The following TBC1D8B variants were observed in gnomAD, a reference collection of about 807,000 sequenced individuals.
The protein encoded by TBC1D8B is TBC1 domain family member 8B.
In TBC1D8B, 75 loss-of-function variants were observed where a neutral mutation model predicts 82.9. The ratio of observed to expected loss-of-function variants is 0.90; its 90% CI spans 0.75 to 1.10. The LOEUF is 1.10. Among genes scored for constraint, TBC1D8B ranks in the 50% least tolerant of loss-of-function variants. TBC1D8B has a pLI of 0.00. For missense variants in TBC1D8B, 794 were observed against 796.9 expected (o/e 1.00, Z 0.04); for synonymous variants, 276 against 276.8 (o/e 1.00, Z 0.03).
intron 2 of TBC1D8B, among the ~76,000 whole-genome samples, chrX:106,819,261 G>T (rs760393830): frequency 9.0e-6 from 1 of 110,994 alleles, no homozygotes; most frequent in African/African-American, 3.3e-5. Context: ...CTTGAAATAT[G>T]AAGGAATGTC....
Position 106,826,068 on chromosome X carries a change from C to T in TBC1D8B, c.866C>T (p.Ala289Val), listed in dbSNP as rs1397996496. 8.3e-7 allele frequency: 1 copy of T among 1,210,518 alleles called. No individual in the cohort carries two copies. Among genetic ancestry groups the T allele is most frequent in the Non-Finnish European group, 1.1e-6 (1 of 894,903 alleles). The change falls in exon 6 of 21, where the codon GCC becomes GTC. Residue 289 changes from alanine (A) to valine (V), a missense_variant. Coordinates refer to ENST00000357242, the MANE Select transcript of TBC1D8B (RefSeq NM_017752.3). Reference protein sequence around the residue: ...ENRAHSEQFNAFFRLPKGESL... With the variant: ...ENRAHSEQFNVFFRLPKGESL... ...AGAGCCCACAGTGAGCAATTTAATG[C>T]CTTTTTTAGGCTGCCCAAAGGAGAG...
At chrX:106,859,148 C>G in intron 14 of TBC1D8B, among the ~76,000 whole-genome samples, 1 of 112,107 alleles carries the variant, frequency 8.9e-6, no homozygotes, top group Non-Finnish European at 1.9e-5. Flanking sequence ...CGTGATACCT[C>G]TAGCTTTGTT....
intron 7 of TBC1D8B, among the ~76,000 whole-genome samples, chrX:106,832,363 A>C (rs974023255): frequency 8.9e-5 from 10 of 111,862 alleles, no homozygotes; most frequent in African/African-American, 3.2e-4. Flanking sequence ...AAAGAGATTT[A>C]GTAAAATTCT....
At chrX:106,828,759 T>C (rs1364814233) in intron 7 of TBC1D8B, 1 of 109,690 alleles carries the variant, frequency 9.1e-6, no homozygotes, top group Non-Finnish European at 1.9e-5. Flanking sequence ...TGCTAAAAAC[T>C]CTCAATAAAT....
chrX:106,835,338 A>T (rs1932149882), intron 7 of TBC1D8B, among the ~76,000 whole-genome samples: 1 of 112,524 alleles, frequency 8.9e-6, no homozygotes, highest in Non-Finnish European at 1.9e-5. Context: ...GAGCTGAAGC[A>T]GCTGGGATGC....
rs370773947 is a variant in TBC1D8B at position 106,852,245 on chromosome X, C to T, written c.2124-1276C>T. ...GAAGTGTCTGTTCATGTCCTTCGCC[C>T]ACTTTTTGATGGGGTTGTTTGTTTT... is the stretch of plus-strand genomic sequence containing the variant. On this transcript the variant is annotated intron_variant, in intron 12 of 20. Coordinates refer to ENST00000357242, the MANE Select transcript of TBC1D8B (RefSeq NM_017752.3). 1.6e-3 allele frequency among the ~76,000 whole-genome samples: 162 copies of T among 101,306 alleles called. 2 individuals carry two copies. The East Asian group carries it at 0.042, about 26-fold the overall frequency. The allele number at this position is 101,306 out of a possible 115,157, so 88.0% of individuals were successfully genotyped here. A position where few individuals can be genotyped will look rare whatever the true frequency, so the allele number is the denominator to read the frequency against.
chrX:106,864,309 T>C (rs915326967), intron 14 of TBC1D8B, among the ~76,000 whole-genome samples: 1 of 110,172 alleles, frequency 9.1e-6, no homozygotes. Flanking sequence ...TGACTCCGCA[T>C]TGATGCCAGA....
intron 7 of TBC1D8B, among the ~76,000 whole-genome samples, chrX:106,833,153 A>C (rs1244319959): frequency 8.9e-6 from 1 of 111,822 alleles, no homozygotes; most frequent in East Asian, 2.8e-4. Context: ...ATTCTAATTT[A>C]AATATAGTAT....
intron 10 of TBC1D8B, among the ~76,000 whole-genome samples, chrX:106,841,135 G>T (rs1932296560): frequency 9.0e-6 from 1 of 111,281 alleles, no homozygotes; most frequent in African/African-American, 3.3e-5. Context: ...GGTACTTAAG[G>T]CTATATAAAG....
chrX:106,823,885 C>T (rs1318265832), intron 5 of TBC1D8B, among the ~76,000 whole-genome samples: 3 of 110,718 alleles, frequency 2.7e-5, no homozygotes, highest in Non-Finnish European at 5.7e-5. Flanking sequence ...GAGGCAAGTT[C>T]GTGGAGTCAG....
At chrX:106,844,510 CAT>C (rs199853962) in intron 10 of TBC1D8B, among the ~76,000 whole-genome samples, 6,772 of 102,717 alleles carry the variant, frequency 0.066, 590 homozygotes, top group African/African-American at 0.22. Context: ...TATATATAAA[CAT>C]ATATATATAT....
intron 17 of TBC1D8B, 99 bp from the exon 18 acceptor site, chrX:106,868,294 C>CT: frequency 2.1e-6 from 1 of 470,794 alleles, no homozygotes. Context: ...TACAGAAACT[C>CT]TTTAACACCC....
rs1932637160 is a variant in TBC1D8B at position 106,853,602 on chromosome X, C to A, written c.2205C>A (p.Thr735=). 1.7e-6 allele frequency: 2 copies of A among 1,208,601 alleles called. No homozygotes were observed. Among genetic ancestry groups the A allele is most frequent in the Non-Finnish European group, 2.2e-6 (2 of 893,103 alleles). ...GTTCAAATGTGAGTGATGAAAAAAC[C>A]AGTCATACTAGAGTGGATATTACAG... ...QQGSNVSDEK[T]SHTRVDITDL... The change falls in exon 13 of 21, where the codon ACC becomes ACA. Residue 735 remains threonine (T), a synonymous_variant. Transcript: ENST00000357242.
intron 2 of TBC1D8B, 57 bp from the exon 3 acceptor site, chrX:106,820,820 A>G (rs1931673466): frequency 1.7e-5 from 13 of 752,923 alleles, no homozygotes; most frequent in Non-Finnish European, 2.4e-5. Flanking sequence ...AAATAACAAG[A>G]GCAGTTTTAT....
rs1486871061 is a variant in TBC1D8B at position 106,865,889 on chromosome X, T to C, written c.2518T>C (p.Cys840Arg). ...ATATTTGGAACAGTATCAGATTGACTGCCAGCAGTTCAGAGCGTTGTATCA... is the reference window on the plus strand; with the variant it reads ...ATATTTGGAACAGTATCAGATTGACCGCCAGCAGTTCAGAGCGTTGTATCA... ...LPYLEQYQIDCQQFRALYHLL... is the reference protein window; with the variant it reads ...LPYLEQYQIDRQQFRALYHLL... Residue 840 changes from cysteine (C) to arginine (R), a missense_variant, in exon 16 of 21, where the codon TGC becomes CGC. Coordinates refer to ENST00000357242, the MANE Select transcript of TBC1D8B (RefSeq NM_017752.3). 8.3e-7 allele frequency: 1 copy of C among 1,209,585 alleles called. No individual in the cohort carries two copies. Among genetic ancestry groups the C allele is most frequent in the African/African-American group, 1.8e-5 (1 of 57,089 alleles).
chrX:106,803,083 A>T (rs971897812), intron 1 of TBC1D8B, 100 bp downstream of exon 1: 71 of 987,886 alleles, frequency 7.2e-5, no homozygotes, highest in Non-Finnish European at 9.4e-5. Context: ...TCCCGATCCT[A>T]AATCGTGGGC....
At chrX:106,872,455 T>TTATATATATATATA (rs61326496) in intron 20 of TBC1D8B, among the ~76,000 whole-genome samples, 5 of 73,294 alleles carry the variant, frequency 6.8e-5, no homozygotes, top group African/African-American at 3.0e-4. Flanking sequence ...AGAAAAATAT[T>TTATATATATATATA]TATATATATA....
In TBC1D8B at chrX:106,873,590, A is replaced by G; in HGVS notation, c.2988A>G (p.Ser996=). ...RMNQSQFIQF[S]KTLYNLFHED... is the part of the protein sequence containing the mutation. Reference sequence around the variant, plus strand: ...TCTAGTCTCAGTTTATTCAGTTTTCAAAGACCCTCTATAACTTATTTCATG... The same window carrying G: ...TCTAGTCTCAGTTTATTCAGTTTTCGAAGACCCTCTATAACTTATTTCATG... The change falls in exon 21 of 21, where the codon TCA becomes TCG. Residue 996 remains serine (S), a synonymous_variant. Coordinates refer to ENST00000357242, the MANE Select transcript of TBC1D8B (RefSeq NM_017752.3). 8.3e-7 allele frequency: 1 copy of G among 1,199,377 alleles called. No individual in the cohort carries two copies. Among genetic ancestry groups the G allele is most frequent in the South Asian group, 1.8e-5 (1 of 54,352 alleles).
chrX:106,805,819 C>G (rs1212185664), intron 1 of TBC1D8B, among the ~76,000 whole-genome samples: 1 of 112,295 alleles, frequency 8.9e-6, no homozygotes, highest in Non-Finnish European at 1.9e-5. Context: ...ACCACAAATC[C>G]ACATTTGGAT....
Sources: allele counts gnomAD v4.1 joint callset (sites outside exome capture counted in the v4.1 genomes callset), GRCh38; gene constraint gnomAD v4.1.1; transcripts MANE v1.5; gene names NCBI Gene and HGNC (gene_info 2026-07-23, HGNC 2026-07-21).